Variants in MSRA observed in about 807,000 individuals in gnomAD.
MSRA encodes the protein mitochondrial peptide methionine sulfoxide reductase.
In MSRA, 54 loss-of-function variants were observed where a neutral mutation model predicts 31.3. The ratio of observed to expected loss-of-function variants is 1.73; its 90% CI spans 1.39 to 2.17. The LOEUF (loss-of-function observed/expected upper bound fraction) is 2.17, where lower values mean the gene tolerates loss of function less well. MSRA is among the 30% of genes most tolerant of loss of function. MSRA has a pLI of 0.00. For synonymous variants in MSRA, 169 were observed against 116.5 expected (o/e 1.45, Z -2.90); for missense variants, 507 against 300.9 (o/e 1.69, Z -5.07).
At position 10,235,036 on chromosome 8, in the gene MSRA, A is replaced by G. The variant is rs1193138874; in HGVS notation, c.212-10068A>G. Among the ~76,000 whole-genome samples, 5 of 152,276 alleles carry G rather than the reference A, an allele frequency of 3.3e-5. No individual in the cohort carries two copies. In the South Asian group the frequency reaches 8.3e-4, roughly 25 times the overall value. On this transcript the variant is annotated intron_variant, in intron 2 of 5. Transcript: ENST00000317173. ...CAATTTGCCAGAAAATTAAACAGATATAGATGATTTACATAACAAATTGAT... is the reference window on the plus strand; with the variant it reads ...CAATTTGCCAGAAAATTAAACAGATGTAGATGATTTACATAACAAATTGAT...
At chr8:10,282,497 G>A (rs1799674203) in intron 3 of MSRA, among the ~76,000 whole-genome samples, 1 of 152,190 alleles carries the variant, frequency 6.6e-6, no homozygotes, top group African/African-American at 2.4e-5. Flanking sequence ...AGTCGACATT[G>A]TGGGGACAGG....
chr8:10,328,079 T>C (rs1488617397), intron 5 of MSRA, among the ~76,000 whole-genome samples: 1 of 124,140 alleles, frequency 8.1e-6, no homozygotes, highest in African/African-American at 3.1e-5. Context: ...TGAGTGTAAA[T>C]GACACTCAAA....
At chr8:10,078,469 C>A (rs1026415834) in intron 1 of MSRA, among the ~76,000 whole-genome samples, 1 of 152,246 alleles carries the variant, frequency 6.6e-6, no homozygotes, top group Admixed American at 6.5e-5. Flanking sequence ...GGACTGGCCA[C>A]TGGGACTCTG....
At chr8:10,103,753 C>G (rs1799686361) in intron 1 of MSRA, among the ~76,000 whole-genome samples, 1 of 151,308 alleles carries the variant, frequency 6.6e-6, no homozygotes, top group Admixed American at 6.6e-5. Context: ...CGAAGACCTT[C>G]AAATAGATAG....
intron 1 of MSRA, among the ~76,000 whole-genome samples, chr8:10,185,390 G>A (rs187552251): frequency 2.0e-5 from 3 of 152,304 alleles, no homozygotes; most frequent in Non-Finnish European, 4.4e-5. Context: ...ATTGTGGGTA[G>A]GGGCAAATAG....
chr8:10,261,669 G>C (rs1394712381), intron 3 of MSRA, among the ~76,000 whole-genome samples: 1 of 152,140 alleles, frequency 6.6e-6, no homozygotes, highest in Non-Finnish European at 1.5e-5. Flanking sequence ...TAACATCTTA[G>C]TGTAGTACAT....
At chr8:10,257,074 T>C (rs758805715) in intron 3 of MSRA, among the ~76,000 whole-genome samples, 1 of 152,250 alleles carries the variant, frequency 6.6e-6, no homozygotes, top group Non-Finnish European at 1.5e-5. Flanking sequence ...CAGATGTTGA[T>C]GTGCCCTTTC....
intron 1 of MSRA, among the ~76,000 whole-genome samples, chr8:10,160,489 C>T (rs1349274708): frequency 1.3e-5 from 2 of 149,340 alleles, no homozygotes; most frequent in Admixed American, 1.3e-4. Context: ...AGCGAGACTC[C>T]ATCTAAAAAA....
chr8:10,338,902 T>G (rs1803232070), intron 5 of MSRA, among the ~76,000 whole-genome samples: 1 of 152,308 alleles, frequency 6.6e-6, no homozygotes, highest in South Asian at 2.1e-4. Context: ...GGGCAAAGGT[T>G]ATAATCCAGA....
intron 2 of MSRA, among the ~76,000 whole-genome samples, chr8:10,242,019 C>G (rs368607273): frequency 1.3e-5 from 2 of 152,246 alleles, no homozygotes; most frequent in African/African-American, 2.4e-5. Flanking sequence ...CGCCTGTAAT[C>G]CCAGCACTTT....
intron 1 of MSRA, among the ~76,000 whole-genome samples, chr8:10,069,422 A>G (rs992602311): frequency 9.9e-5 from 15 of 152,222 alleles, no homozygotes; most frequent in African/African-American, 2.7e-4. Flanking sequence ...GTCCTCGTCC[A>G]TTCGTGTTGT....
chr8:10,120,987 A>T (rs1484756120), intron 1 of MSRA, among the ~76,000 whole-genome samples: 1 of 152,234 alleles, frequency 6.6e-6, no homozygotes, highest in Non-Finnish European at 1.5e-5. Context: ...TGAAATATAG[A>T]TGCAAAATAA....
intron 1 of MSRA, among the ~76,000 whole-genome samples, chr8:10,203,712 ATTTTAGAGTGTGCTCCTGCAGT>A (rs1808702550): frequency 1.3e-5 from 2 of 152,342 alleles, no homozygotes; most frequent in South Asian, 4.1e-4. Context: ...TTTTGTCCTT[ATTTTAGAGTGTGCTCCTGCAGT>A]TATAAAAAAC....
In MSRA at chr8:10,244,401, G is replaced by T. The variant is rs74731945; in HGVS notation, c.212-703G>T. The stretch of plus-strand genomic sequence containing the variant: ...TTCATCAGATGTTCAAAGAGATCCT[G>T]TGGCCACTGGTATACACACAATGTT... On this transcript the variant is annotated intron_variant, in intron 2 of 5. Transcript: ENST00000317173. 2.0e-5 allele frequency among the ~76,000 whole-genome samples: 3 copies of T among 152,300 alleles called. No homozygotes were observed. In the East Asian group the frequency reaches 5.8e-4, roughly 29 times the overall value.
chr8:10,119,515 A>C (rs1300559844), intron 1 of MSRA, among the ~76,000 whole-genome samples: 1 of 152,220 alleles, frequency 6.6e-6, no homozygotes, highest in Non-Finnish European at 1.5e-5. Context: ...CCAGGGCGCA[A>C]GGTATTTCTG....
chr8:10,275,000 T>C (rs563741755), intron 3 of MSRA, among the ~76,000 whole-genome samples: 1 of 152,268 alleles, frequency 6.6e-6, no homozygotes, highest in South Asian at 2.1e-4. Context: ...TTGGTTGGCT[T>C]CCAAGGACTA....
At chr8:10,387,541 A>G (rs1219303102) in intron 5 of MSRA, among the ~76,000 whole-genome samples, 7 of 152,212 alleles carry the variant, frequency 4.6e-5, no homozygotes. Context: ...TCTTAGGAGA[A>G]ATGAATGAGC....
chr8:10,327,914 C>A (rs1019701205), intron 5 of MSRA, among the ~76,000 whole-genome samples: 3 of 151,864 alleles, frequency 2.0e-5, no homozygotes, highest in African/African-American at 4.8e-5. Flanking sequence ...GCCTGGGCTC[C>A]GTCTCAACAA....
At chr8:10,355,184 G>A (rs1008723642) in intron 5 of MSRA, among the ~76,000 whole-genome samples, 5 of 152,160 alleles carry the variant, frequency 3.3e-5, no homozygotes, top group Non-Finnish European at 7.3e-5. Context: ...TTCCAGTGCC[G>A]CCTCTTCCTG....
Sources: allele counts gnomAD v4.1 joint callset (sites outside exome capture counted in the v4.1 genomes callset), GRCh38; gene constraint gnomAD v4.1.1; transcripts MANE v1.5; gene names NCBI Gene and HGNC (gene_info 2026-07-23, HGNC 2026-07-21).